DLGAP2: variants seen among roughly 807,000 people sequenced by gnomAD.
DLGAP2 encodes disks large-associated protein 2.
DLGAP2 carries 26 observed loss-of-function variants against 100.3 expected under a neutral mutation model. That is an observed-to-expected ratio of 0.26 (90% CI 0.19 to 0.36). DLGAP2 has a LOEUF of 0.36. Among genes scored for constraint, DLGAP2 ranks in the 10% least tolerant of loss-of-function variants. The probability of loss-of-function intolerance (pLI) is 1.00; values close to 1 mark genes in which losing one functional copy is unlikely to be tolerated. For synonymous variants in DLGAP2, 886 were observed against 630.1 expected (o/e 1.41, Z -6.08); for missense variants, 1,858 against 1,453.2 (o/e 1.28, Z -4.53).
At chr8:1,495,745 G>A (rs1456123940) in intron 3 of DLGAP2, among the ~76,000 whole-genome samples, 1 of 152,224 alleles carries the variant, frequency 6.6e-6, no homozygotes, top group Admixed American at 6.5e-5. Context: ...TGGTGGCCGT[G>A]CTGGGTCTGT....
At chr8:1,388,964 G>A (rs112700281) in intron 3 of DLGAP2, among the ~76,000 whole-genome samples, 2 of 137,306 alleles carry the variant, frequency 1.5e-5, no homozygotes, top group African/African-American at 2.8e-5. Flanking sequence ...AGAGGCAGAG[G>A]CCGTGGATGA....
chr8:1,650,405 C>A (rs1424810852), intron 8 of DLGAP2, among the ~76,000 whole-genome samples: 2 of 152,202 alleles, frequency 1.3e-5, no homozygotes, highest in African/African-American at 4.8e-5. Flanking sequence ...GCTGTCTCTT[C>A]TAAATATTGA....
chr8:835,033 G>A (rs767078629), intron 1 of DLGAP2, among the ~76,000 whole-genome samples: 1 of 152,144 alleles, frequency 6.6e-6, no homozygotes, highest in Non-Finnish European at 1.5e-5. Flanking sequence ...GTGCATGCAG[G>A]TTACTGCTCA....
chr8:1,607,829 G>C (rs1412590609), intron 6 of DLGAP2, among the ~76,000 whole-genome samples: 146 of 146,852 alleles, frequency 9.9e-4, no homozygotes, highest in Middle Eastern at 3.5e-3. Flanking sequence ...GCGCTTTTCA[G>C]ACCGGCTTAA....
intron 2 of DLGAP2, among the ~76,000 whole-genome samples, chr8:1,220,050 CA>C (rs1401423033): frequency 6.6e-6 from 1 of 151,886 alleles, no homozygotes; most frequent in East Asian, 1.9e-4. Flanking sequence ...TTTCTTCTTT[CA>C]AAAAAACCAA....
chr8:1,031,982 G>C (rs1801987410), intron 2 of DLGAP2, among the ~76,000 whole-genome samples: 1 of 152,206 alleles, frequency 6.6e-6, no homozygotes, highest in Non-Finnish European at 1.5e-5. Context: ...GAATCCCCAG[G>C]GGTGTTTCCC....
At chr8:1,457,987 T>C (rs1471788865) in intron 3 of DLGAP2, among the ~76,000 whole-genome samples, 2 of 43,366 alleles carry the variant, frequency 4.6e-5, no homozygotes, top group East Asian at 8.4e-4. Flanking sequence ...TATATATATA[T>C]ATATATATAT....
intron 1 of DLGAP2, among the ~76,000 whole-genome samples, chr8:807,742 A>G (rs1796295701): frequency 1.3e-5 from 2 of 152,212 alleles, no homozygotes; most frequent in Non-Finnish European, 2.9e-5. Flanking sequence ...TTTTTCCATA[A>G]CTAAAAGGCA....
chr8:1,376,598 A>AGCCGGGTGGCG (rs1563114453), intron 3 of DLGAP2, among the ~76,000 whole-genome samples: 1 of 113,108 alleles, frequency 8.8e-6, no homozygotes, highest in East Asian at 2.3e-4. Context: ...GCCGGGTGGC[A>AGCCGGGTGGCG]GTGGGGAGCC....
At chr8:1,476,566 C>T (rs572966137) in intron 3 of DLGAP2, among the ~76,000 whole-genome samples, 1 of 152,288 alleles carries the variant, frequency 6.6e-6, no homozygotes, top group African/African-American at 2.4e-5. Flanking sequence ...CCTCAGTTCC[C>T]AGGGCAAATG....
At position 1,197,337 on chromosome 8, in the gene DLGAP2, C is replaced by T. The variant is rs575684576; in HGVS notation, c.74-61514C>T. ...CAGAATTCACCACGACACCCTCCCT[C>T]CTCTTCTGCTCAGTACCTGAGCCCT... On this transcript the variant is annotated intron_variant, in intron 2 of 14. Transcript: ENST00000637795. Among the ~76,000 whole-genome samples, 225 of 152,376 alleles carry T rather than the reference C, an allele frequency of 1.5e-3. 1 individual carries two copies. Among genetic ancestry groups the T allele is most frequent in the African/African-American group, 5.2e-3 (215 of 41,596 alleles).
chr8:1,081,911 C>T (rs1437212135), intron 2 of DLGAP2, among the ~76,000 whole-genome samples: 3 of 152,294 alleles, frequency 2.0e-5, no homozygotes, highest in African/African-American at 7.2e-5. Context: ...TACCCCTGGC[C>T]ACTTACTCCC....
At chr8:1,063,757 T>G (rs770794864) in intron 2 of DLGAP2, among the ~76,000 whole-genome samples, 2 of 152,150 alleles carry the variant, frequency 1.3e-5, no homozygotes, top group African/African-American at 2.4e-5. Flanking sequence ...TGTTATTGGT[T>G]TGTGCATATT....
chr8:1,620,015 CT>C (rs762514703), intron 6 of DLGAP2: 3 of 152,170 alleles, frequency 2.0e-5, no homozygotes, highest in Non-Finnish European at 2.9e-5. Context: ...TTATTTTCAC[CT>C]TCTAAAAATA....
chr8:1,411,621 C>T (rs1796733383), intron 3 of DLGAP2, among the ~76,000 whole-genome samples: 1 of 152,196 alleles, frequency 6.6e-6, no homozygotes, highest in Admixed American at 6.5e-5. Flanking sequence ...CGTGCTCCTC[C>T]TGGCCTGGTT....
At chr8:886,263 C>A (rs1248248335) in intron 1 of DLGAP2, among the ~76,000 whole-genome samples, 8 of 151,424 alleles carry the variant, frequency 5.3e-5, no homozygotes, top group Admixed American at 3.9e-4. Context: ...TGATTCTTCT[C>A]TCTCTTTTTC....
rs1020456403 is a variant in DLGAP2 at position 1,290,294 on chromosome 8, C to T, written c.106+31411C>T. ...CTGACGTGGCTACACACGGTGCATC[C>T]AATTCCATCGAGTTGTCATTTACAA... On this transcript the variant is annotated intron_variant, in intron 3 of 14. Coordinates refer to ENST00000637795, the MANE Select transcript of DLGAP2 (RefSeq NM_001346810.2). Among the ~76,000 whole-genome samples the T allele has an allele frequency of 2.6e-5, 4 of 152,302 alleles. No homozygotes were observed. In the South Asian group the frequency reaches 6.2e-4, roughly 24 times the overall value.
intron 2 of DLGAP2, among the ~76,000 whole-genome samples, chr8:920,918 G>C (rs1046393041): frequency 2.0e-5 from 3 of 152,234 alleles, no homozygotes; most frequent in Non-Finnish European, 4.4e-5. Flanking sequence ...GGCAGGATGA[G>C]CTGAATCCTG....
chr8:1,182,051 G>C (rs531899691), intron 2 of DLGAP2, among the ~76,000 whole-genome samples: 1 of 152,222 alleles, frequency 6.6e-6, no homozygotes, highest in Non-Finnish European at 1.5e-5. Context: ...GCTGCAGTGC[G>C]TAAGAGCCAT....
Sources: gnomAD v4.1 joint callset for allele counts (sites outside exome capture counted in the v4.1 genomes callset) on GRCh38, gnomAD v4.1.1 for gene constraint, MANE v1.5 for transcripts, NCBI Gene and HGNC (gene_info 2026-07-23, HGNC 2026-07-21) for gene names.